ZNF804B: variants seen among roughly 807,000 people sequenced by gnomAD.
ZNF804B encodes zinc finger 804B.
In ZNF804B, 80 loss-of-function variants were observed where a neutral mutation model predicts 101.4. The ratio of observed to expected loss-of-function variants is 0.79; its 90% CI spans 0.66 to 0.95. The LOEUF is 0.95. Among genes scored for constraint, ZNF804B ranks in the 40% least tolerant of loss-of-function variants. The pLI is 0.00. For synonymous variants in ZNF804B, 622 were observed against 558.8 expected, an observed-to-expected ratio of 1.11 and a Z score of -1.59; for missense variants, 1,673 against 1,561.9, an observed-to-expected ratio of 1.07 and a Z score of -1.20.
At chr7:89,258,115 A>G (rs888426825) in intron 2 of ZNF804B, among the ~76,000 whole-genome samples, 1 of 151,964 alleles carries the variant, frequency 6.6e-6, no homozygotes, top group African/African-American at 2.4e-5. Flanking sequence ...AAATAATATA[A>G]ATAAAATATA....
chr7:89,038,110 TTGTGTCAA>T (rs1315434142), intron 1 of ZNF804B, among the ~76,000 whole-genome samples: 2 of 152,214 alleles, frequency 1.3e-5, no homozygotes, highest in African/African-American at 2.4e-5. Flanking sequence ...ATATCTTGTC[TTGTGTCAA>T]TAATGGTGCA....
intron 1 of ZNF804B, among the ~76,000 whole-genome samples, chr7:89,087,682 G>A (rs933393659): frequency 1.3e-5 from 2 of 151,900 alleles, no homozygotes; most frequent in Admixed American, 6.6e-5. Context: ...CCCATTGGTA[G>A]AAGACATTGA....
intron 1 of ZNF804B, among the ~76,000 whole-genome samples, chr7:88,820,389 T>C (rs575827171): frequency 6.6e-6 from 1 of 152,240 alleles, no homozygotes; most frequent in African/African-American, 2.4e-5. Flanking sequence ...AGGGTTCAGG[T>C]GTTCCAGTGA....
intron 1 of ZNF804B, among the ~76,000 whole-genome samples, chr7:88,850,668 T>A (rs1457825636): frequency 6.6e-6 from 1 of 151,996 alleles, no homozygotes; most frequent in Non-Finnish European, 1.5e-5. Flanking sequence ...TCTAAGAAAT[T>A]TAAACATACT....
At chr7:89,271,431 T>G (rs1212680720) in intron 2 of ZNF804B, among the ~76,000 whole-genome samples, 4 of 152,190 alleles carry the variant, frequency 2.6e-5, no homozygotes, top group Non-Finnish European at 5.9e-5. Context: ...TTGATCATGG[T>G]GGATAAGCTT....
intron 1 of ZNF804B, among the ~76,000 whole-genome samples, chr7:89,110,561 A>G (rs557156252): frequency 3.3e-5 from 5 of 152,242 alleles, no homozygotes; most frequent in Non-Finnish European, 7.3e-5. Flanking sequence ...TTTATATTTC[A>G]TAGTAATTTT....
At chr7:89,269,776 T>C (rs1331584691) in intron 2 of ZNF804B, among the ~76,000 whole-genome samples, 1 of 152,192 alleles carries the variant, frequency 6.6e-6, no homozygotes, top group Non-Finnish European at 1.5e-5. Context: ...TGAGATGGTA[T>C]CTCATTGTGG....
chr7:89,219,879 A>G lies in ZNF804B; in HGVS notation c.249+1584A>G, dbSNP rs1013977073. On this transcript the variant is annotated intron_variant, in intron 2 of 3. Transcript: ENST00000333190. ...GTATATATGTGTGTATATGTAGTAT[A>G]TGTGTGTATATATGTATATATGTGT... 2.5e-4 allele frequency among the ~76,000 whole-genome samples: 35 copies of G among 141,308 alleles called. 2 individuals carry two copies. Among genetic ancestry groups the G allele is most frequent in the African/African-American group, 9.2e-4 (35 of 37,994 alleles). The allele number at this position is 141,308 out of a possible 152,430, so 92.7% of individuals were successfully genotyped here.
rs1426291710 is a variant in ZNF804B at position 89,335,909 on chromosome 7, C to A, written c.2927C>A (p.Ala976Glu). Residue 976 changes from alanine (A) to glutamate (E), a missense_variant, in exon 4 of 4, where the codon GCA (alanine) becomes GAA (glutamate). Transcript: ENST00000333190. ...QLAPSGCNRQ[A>E]LPLSEKIQYA... ...GCACCATCAGGCTGTAACAGACAAG[C>A]ATTGCCTTTGTCTGAAAAAATACAG... 11 of 1,613,956 alleles carry A rather than the reference C, an allele frequency of 6.8e-6. No individual in the cohort carries two copies. The highest frequency in any genetic ancestry group is 1.3e-5 in the African/African-American group (1 of 74,928).
chr7:88,774,146 A>C (rs1253540588), intron 1 of ZNF804B, among the ~76,000 whole-genome samples: 1 of 150,994 alleles, frequency 6.6e-6, no homozygotes, highest in South Asian at 2.1e-4. Context: ...ATTTAGATCT[A>C]TACAATTCTA....
chr7:89,202,094 C>G (rs1015935044), intron 1 of ZNF804B, among the ~76,000 whole-genome samples: 1 of 152,034 alleles, frequency 6.6e-6, no homozygotes, highest in Non-Finnish European at 1.5e-5. Flanking sequence ...TTATCATGCA[C>G]AGTAAAATGG....
chr7:89,211,482 A>AT (rs1788802840), intron 1 of ZNF804B, among the ~76,000 whole-genome samples: 1 of 151,810 alleles, frequency 6.6e-6, no homozygotes, highest in Non-Finnish European at 1.5e-5. Context: ...TTCTTCTAGG[A>AT]TTTTTGTTGT....
intron 1 of ZNF804B, among the ~76,000 whole-genome samples, chr7:89,125,637 C>T (rs1790466210): frequency 6.6e-6 from 1 of 151,910 alleles, no homozygotes; most frequent in Non-Finnish European, 1.5e-5. Flanking sequence ...TCTTCGAATG[C>T]TTAAAAAGTA....
chr7:89,171,635 A>T (rs1791238837), intron 1 of ZNF804B, among the ~76,000 whole-genome samples: 1 of 152,152 alleles, frequency 6.6e-6, no homozygotes, highest in African/African-American at 2.4e-5. Flanking sequence ...GGGTTTCACC[A>T]TGTTGGCCAG....
intron 2 of ZNF804B, among the ~76,000 whole-genome samples, chr7:89,306,083 A>G (rs1790558069): frequency 6.6e-6 from 1 of 152,038 alleles, no homozygotes; most frequent in Non-Finnish European, 1.5e-5. Flanking sequence ...AAAGAGCACC[A>G]TTAAGTATCA....
At chr7:88,984,829 A>G (rs916674242) in intron 1 of ZNF804B, among the ~76,000 whole-genome samples, 3 of 152,094 alleles carry the variant, frequency 2.0e-5, no homozygotes, top group African/African-American at 7.2e-5. Flanking sequence ...TTGTATGTCA[A>G]TATCCCTGAT....
intron 1 of ZNF804B, among the ~76,000 whole-genome samples, chr7:88,948,369 G>A (rs1018463695): frequency 1.8e-4 from 26 of 141,706 alleles, no homozygotes; most frequent in South Asian, 2.2e-4. Context: ...GGAGTGCAGC[G>A]GTATGATCAT....
At chr7:89,019,020 A>G (rs915221076) in intron 1 of ZNF804B, among the ~76,000 whole-genome samples, 2 of 151,704 alleles carry the variant, frequency 1.3e-5, no homozygotes, top group Non-Finnish European at 1.5e-5. Flanking sequence ...TCATTCTACC[A>G]GTTTTCGGTT....
At chr7:88,781,003 T>C (rs992908877) in intron 1 of ZNF804B, among the ~76,000 whole-genome samples, 1 of 152,184 alleles carries the variant, frequency 6.6e-6, no homozygotes, top group Admixed American at 6.5e-5. Context: ...TATTATCTCA[T>C]TCTTTTAGGC....
Sources: gnomAD v4.1 joint callset for allele counts (sites outside exome capture counted in the v4.1 genomes callset) on GRCh38, gnomAD v4.1.1 for gene constraint, MANE v1.5 for transcripts, NCBI Gene and HGNC (gene_info 2026-07-23, HGNC 2026-07-21) for gene names.